OPCML: variants seen among roughly 807,000 people sequenced by gnomAD.
OPCML encodes opioid-binding protein/cell adhesion molecule.
Under a neutral mutation model 37.8 loss-of-function variants are expected in OPCML, and 13 were observed. That is an observed-to-expected ratio of 0.34 (90% CI 0.22 to 0.55). The LOEUF (loss-of-function observed/expected upper bound fraction) is 0.55. Ranked by LOEUF, OPCML falls within the 20% of genes least tolerant of loss-of-function variation. The pLI, the probability that OPCML is intolerant of heterozygous loss-of-function variation, is 0.91. For missense variants in OPCML, 341 were observed against 435.6 expected (o/e 0.78, Z 1.93); for synonymous variants, 176 against 168.8 (o/e 1.04, Z -0.33).
chr11:132,497,647 T>A (rs1159024344), intron 4 of OPCML, among the ~76,000 whole-genome samples: 1 of 151,950 alleles, frequency 6.6e-6, no homozygotes, highest in Middle Eastern at 3.2e-3. Flanking sequence ...TGCCCTGAAG[T>A]GGGAGTATTT....
chr11:133,442,995 A>G (rs1187203985), intron 1 of OPCML, among the ~76,000 whole-genome samples: 2 of 152,218 alleles, frequency 1.3e-5, no homozygotes, highest in African/African-American at 4.8e-5. Flanking sequence ...CTTTTTCAAG[A>G]AGATATTCAT....
intron 1 of OPCML, among the ~76,000 whole-genome samples, chr11:132,995,695 C>T (rs988568447): frequency 5.9e-5 from 9 of 152,148 alleles, no homozygotes; most frequent in African/African-American, 2.2e-4. Context: ...CCAATGTCAG[C>T]AGGACGTGAG....
At chr11:132,643,270 C>T (rs1299918494) in intron 3 of OPCML, among the ~76,000 whole-genome samples, 1 of 152,154 alleles carries the variant, frequency 6.6e-6, no homozygotes, top group East Asian at 1.9e-4. Flanking sequence ...GCGTGAGACT[C>T]CATCTCTAAA....
At chr11:132,510,485 C>T (rs915926016) in intron 4 of OPCML, among the ~76,000 whole-genome samples, 2 of 152,166 alleles carry the variant, frequency 1.3e-5, no homozygotes, top group Admixed American at 1.3e-4. Flanking sequence ...ATTGTATCTC[C>T]CAGAATTCCC....
rs1946980687 is a variant in OPCML, at chr11:133,000,655, T to C, written c.62-57645A>G. Among the ~76,000 whole-genome samples the C allele has an allele frequency of 2.0e-5, 3 of 152,178 alleles. No homozygotes were observed. In the South Asian group the frequency reaches 6.2e-4, roughly 31 times the overall value. ...GAGGAGAGAAGTAATAAGGAAGGCA[T>C]AGAAACCACACTCTCTTTTCATTTA... On this transcript the variant is annotated intron_variant, in intron 1 of 7. Coordinates refer to ENST00000524381, the MANE Select transcript of OPCML (RefSeq NM_001012393.5).
intron 3 of OPCML, among the ~76,000 whole-genome samples, chr11:132,622,140 A>C (rs1364288629): frequency 6.6e-6 from 1 of 151,614 alleles, no homozygotes; most frequent in Non-Finnish European, 1.5e-5. Context: ...GAATGATGAG[A>C]ATAATAAAAA....
chr11:132,532,515 T>C (rs185679891), intron 3 of OPCML, among the ~76,000 whole-genome samples: 12 of 152,316 alleles, frequency 7.9e-5, no homozygotes, highest in Admixed American at 7.8e-4. Context: ...ACTATTAATA[T>C]TGAAGAAACT....
rs570451202 is a variant in OPCML, at chr11:133,205,563, T to G, written c.62-262553A>C. Among the ~76,000 whole-genome samples, 1 of 152,306 alleles carries G rather than the reference T, an allele frequency of 6.6e-6. No individual in the cohort carries two copies. Among genetic ancestry groups the G allele is most frequent in the South Asian group, 2.1e-4 (1 of 4,828 alleles). On this transcript the variant is annotated intron_variant, in intron 1 of 7. Coordinates refer to ENST00000524381, the MANE Select transcript of OPCML (RefSeq NM_001012393.5). This position sits in a 1 kb window ranked among gnomAD's most constrained non-coding sequence, Gnocchi z 4.8. Reference sequence around the variant, plus strand: ...TATGGGGACTGACGCCGTCTCCAGGTAGACAGTGTCAGAATTGAATTGAAT... The same window carrying G: ...TATGGGGACTGACGCCGTCTCCAGGGAGACAGTGTCAGAATTGAATTGAAT...
At chr11:132,452,595 T>G (rs1015656692) in intron 4 of OPCML, among the ~76,000 whole-genome samples, 4 of 151,370 alleles carry the variant, frequency 2.6e-5, no homozygotes, top group Admixed American at 2.6e-4. Flanking sequence ...TTTCCTTCCT[T>G]CCTGCCTGCC....
chr11:133,404,263 G>A (rs1235029898), intron 1 of OPCML, among the ~76,000 whole-genome samples: 2 of 152,182 alleles, frequency 1.3e-5, no homozygotes, highest in Non-Finnish European at 2.9e-5. Context: ...CCCTAATAAG[G>A]TATGGTCTCA....
At position 133,273,440 on chromosome 11, in the gene OPCML, C is replaced by G. The variant is rs374952644; in HGVS notation, c.61+258824G>C. Reference sequence around the variant, plus strand: ...GCATCCTGAGGAGCTGAGGAACTGACCCCACAGCCCTCAACAAGTTCCCAC... The same window carrying G: ...GCATCCTGAGGAGCTGAGGAACTGAGCCCACAGCCCTCAACAAGTTCCCAC... On this transcript the variant is annotated intron_variant, in intron 1 of 7. Transcript: ENST00000524381. Among the ~76,000 whole-genome samples, 5 of 152,272 alleles carry G rather than the reference C, an allele frequency of 3.3e-5. No individual in the cohort carries two copies. The East Asian group carries it at 9.7e-4, about 29-fold the overall frequency.
intron 3 of OPCML, among the ~76,000 whole-genome samples, chr11:132,535,013 T>C (rs754274952): frequency 2.0e-4 from 29 of 148,554 alleles, no homozygotes; most frequent in Non-Finnish European, 3.6e-4. Context: ...CACACACACA[T>C]ATATATATAT....
intron 1 of OPCML, among the ~76,000 whole-genome samples, chr11:133,191,308 TA>T (rs1233308154): frequency 6.6e-6 from 1 of 152,200 alleles, no homozygotes. Flanking sequence ...TTTGCTCACT[TA>T]AAAAATTGGT....
intron 3 of OPCML, among the ~76,000 whole-genome samples, chr11:132,633,234 G>T (rs1315683810): frequency 5.3e-5 from 8 of 151,978 alleles, no homozygotes; most frequent in Admixed American, 1.3e-4. Flanking sequence ...ACAGAGTCTC[G>T]CTCTGTCGCC....
intron 3 of OPCML, among the ~76,000 whole-genome samples, chr11:132,549,330 C>G (rs2096376212): frequency 6.6e-6 from 1 of 152,160 alleles, no homozygotes; most frequent in Non-Finnish European, 1.5e-5. Context: ...GGGGAGGAAC[C>G]CTCAGTTCCA....
chr11:132,507,109 T>TC (rs2096258817), intron 4 of OPCML, among the ~76,000 whole-genome samples: 1 of 144,588 alleles, frequency 6.9e-6, no homozygotes, highest in Non-Finnish European at 1.5e-5. Flanking sequence ...CATTAAATTG[T>TC]AAAAAAAAAA....
chr11:133,182,352 G>A lies in OPCML; in HGVS notation c.62-239342C>T, dbSNP rs532044076. On this transcript the variant is annotated intron_variant, in intron 1 of 7. Transcript: ENST00000524381. ...CATTGTAACCTTTATAAAATGCAAA[G>A]AAGAGATGCAGCAATGCAATTTCTG... 9.2e-5 allele frequency among the ~76,000 whole-genome samples: 14 copies of A among 152,304 alleles called. No homozygotes were observed. The East Asian group carries it at 1.9e-3, about 21-fold the overall frequency.
rs184605175 is a variant in OPCML, at chr11:132,508,577, T to C, written c.505+20484A>G. Among the ~76,000 whole-genome samples, 39 of 152,280 alleles carry C rather than the reference T, an allele frequency of 2.6e-4. No homozygotes were observed. In the East Asian group the frequency reaches 7.5e-3, roughly 29 times the overall value. ...TTGTATCTCCCAGAATTCCCATGTGTTGTGGGAGGGACCCAGGGGGAGGTA... is the reference window on the plus strand; with the variant it reads ...TTGTATCTCCCAGAATTCCCATGTGCTGTGGGAGGGACCCAGGGGGAGGTA... On this transcript the variant is annotated intron_variant, in intron 4 of 7. Transcript: ENST00000524381.
At chr11:132,680,119 G>T (rs900476920) in intron 2 of OPCML, among the ~76,000 whole-genome samples, 16 of 152,194 alleles carry the variant, frequency 1.1e-4, no homozygotes, top group Non-Finnish European at 1.9e-4. Context: ...TTCAGGTGCT[G>T]TGAACCATTC....
Sources: allele counts gnomAD v4.1 joint callset (sites outside exome capture counted in the v4.1 genomes callset), GRCh38; gene constraint gnomAD v4.1.1; non-coding constraint Gnocchi (gnomAD v3.1); transcripts MANE v1.5; gene names NCBI Gene and HGNC (gene_info 2026-07-23, HGNC 2026-07-21).